ODAD3: variants seen among roughly 807,000 people sequenced by gnomAD.
The protein encoded by ODAD3 is outer dynein arm-docking complex subunit 3.
In ODAD3, 57 loss-of-function variants were observed where a neutral mutation model predicts 70.9. That is an observed-to-expected ratio of 0.80 (90% confidence interval 0.65 to 1.00). ODAD3 has a LOEUF of 1.00. Ranked by LOEUF, ODAD3 falls within the 50% of genes least tolerant of loss-of-function variation. The pLI is 0.00. For synonymous variants in ODAD3, 327 were observed against 315.9 expected (o/e 1.04, Z -0.37); for missense variants, 797 against 763.9 (o/e 1.04, Z -0.51).
At position 11,426,487 on chromosome 19, in the gene ODAD3, C is replaced by A. The variant is rs760718401; in HGVS notation, c.799G>T (p.Val267Leu). The A allele has an allele frequency of 2.5e-6, 4 of 1,614,084 alleles. No homozygotes were observed. In the South Asian group the frequency reaches 4.4e-5, roughly 18 times the overall value. ...RTKHELEALH[V>L]VNQEALNARD... ...GCATTGAGGGCCTCTTGGTTCACCA[C>A]GTGCAGTGCCTCCAGCTCATGTTTG... is the stretch of plus-strand genomic sequence containing the variant. Residue 267 changes from valine (V) to leucine (L), a missense_variant, in exon 6 of 13, where the codon GTG (valine) becomes TTG (leucine). By Grantham distance (32) the Val-to-Leu change is conservative. Transcript: ENST00000356392.
At chr19:11,432,686 C>T (rs1445011446) in intron 1 of ODAD3, among the ~76,000 whole-genome samples, 1 of 152,182 alleles carries the variant, frequency 6.6e-6, no homozygotes, top group Non-Finnish European at 1.5e-5. Flanking sequence ...CCATATATCA[C>T]GTGCCAATAG....
At position 11,420,940 on chromosome 19, in the gene ODAD3, C is replaced by T. The variant is rs989297713; in HGVS notation, c.1683G>A (p.Glu561=). The T allele has an allele frequency of 1.2e-6, 2 of 1,613,780 alleles. No homozygotes were observed. The highest frequency in any genetic ancestry group is 1.7e-6 in the Non-Finnish European group (2 of 1,179,834). The change falls in exon 13 of 13, where the codon GAG becomes GAA. Residue 561 remains glutamate, a synonymous_variant. Coordinates refer to ENST00000356392, the MANE Select transcript of ODAD3 (RefSeq NM_145045.5). ...CTACCTCGTTGTCCTCCTCCTCACT[C>T]TCTTCGTCTAAGGGGGGTGGGGGGA... ...ATSKDKFFDE[E]SEEEDNEVVT...
Position 11,422,683 on chromosome 19 carries a change from A to G in ODAD3, c.1277+18T>C, listed in dbSNP as rs776252880. The G allele has an allele frequency of 3.1e-6, 5 of 1,608,700 alleles. No homozygotes were observed. In the African/African-American group the frequency reaches 6.7e-5, roughly 22 times the overall value. The stretch of plus-strand genomic sequence containing the variant: ...CTCAGCCCGCCCCGCCGCCCTCCCC[A>G]GAGCCCCGGTGCCTCACCTCACCAG... On this transcript the variant is annotated intron_variant, in intron 9 of 12. Coordinates refer to ENST00000356392, the MANE Select transcript of ODAD3 (RefSeq NM_145045.5). The surrounding 1 kb of genome is among the most constrained non-coding windows in gnomAD (Gnocchi z 4.6).
At chr19:11,426,006 G>C (rs911303856) in intron 7 of ODAD3, 138 bp downstream of exon 7, 4 of 1,179,584 alleles carry the variant, frequency 3.4e-6, no homozygotes, top group Non-Finnish European at 4.6e-6. Flanking sequence ...CGCACCAAGT[G>C]GGGGTGGAGT....
chr19:11,427,839 G>A (rs1215968162), intron 3 of ODAD3, among the ~76,000 whole-genome samples: 7 of 149,914 alleles, frequency 4.7e-5, no homozygotes, highest in Non-Finnish European at 8.9e-5. Flanking sequence ...GGTGGCTCCC[G>A]CCTGTAATCC....
intron 7 of ODAD3, among the ~76,000 whole-genome samples, chr19:11,424,663 ATG>A (rs1384691640): frequency 1.1e-5 from 1 of 91,224 alleles, no homozygotes. Context: ...ATGTGTATAT[ATG>A]TATATATGTG....
At chr19:11,431,061 TG>T in intron 1 of ODAD3, 41 bp from the exon 2 acceptor site, 1 of 1,607,348 alleles carries the variant, frequency 6.2e-7, no homozygotes, top group Non-Finnish European at 8.5e-7. Context: ...AGTTACTGGG[TG>T]GGTGCATGGG....
chr19:11,421,806 C>T lies in ODAD3; in HGVS notation c.1461G>A (p.Glu487=). ...CATAGTTATCTGCCTGGGGATCCAG[C>T]TCCTTTCCCGCGAAGCGGCCGTCCT... ...TVEDGRFAGK[E]LDPQADNYVP... Residue 487 remains glutamate, a synonymous_variant, in exon 11 of 13, where the codon GAG becomes GAA. Transcript: ENST00000356392. 6.2e-7 allele frequency: 1 copy of T among 1,613,116 alleles called. No individual in the cohort carries two copies. The highest frequency in any genetic ancestry group is 8.5e-7 in the Non-Finnish European group (1 of 1,179,870).
intron 7 of ODAD3, 62 bp from the exon 8 acceptor site, chr19:11,424,091 G>A (rs1026820959): frequency 1.9e-6 from 3 of 1,561,592 alleles, no homozygotes; most frequent in Non-Finnish European, 2.6e-6. Context: ...GAAGGAGGCC[G>A]GGGAGGGGGA....
At chr19:11,424,585 C>T (rs1424907339) in intron 7 of ODAD3, among the ~76,000 whole-genome samples, 11 of 116,728 alleles carry the variant, frequency 9.4e-5, no homozygotes, top group African/African-American at 4.0e-4. Flanking sequence ...GTATATATAC[C>T]TATGTGTATA....
At chr19:11,421,303 G>A (rs1236228438) in intron 11 of ODAD3, 91 bp from the exon 12 acceptor site, 3 of 1,202,944 alleles carry the variant, frequency 2.5e-6, no homozygotes, top group Non-Finnish European at 2.3e-6. Context: ...CCCATTCCGA[G>A]ATATGCCCTA....
intron 3 of ODAD3, among the ~76,000 whole-genome samples, chr19:11,428,691 A>G (rs1410908964): frequency 6.6e-6 from 1 of 151,918 alleles, no homozygotes; most frequent in African/African-American, 2.4e-5. Context: ...TGGGACTACA[A>G]TCCTGTGCCA....
chr19:11,424,137 T>G lies in ODAD3; in HGVS notation c.964-108A>C, dbSNP rs1969207714. 7.3e-6 allele frequency: 10 copies of G among 1,364,536 alleles called. No homozygotes were observed. The Admixed American group carries it at 1.5e-4, about 21-fold the overall frequency. The allele number at this position is 1,364,536 out of a possible 1,614,324, so 84.5% of individuals were successfully genotyped here. On this transcript the variant is annotated intron_variant, in intron 7 of 12. Transcript: ENST00000356392. ...GGCCCGCGAGGAACAGGGCTCAAACTGGAGGGAAGGGAGAGGGCAAAAGCT... is the reference window on the plus strand; with the variant it reads ...GGCCCGCGAGGAACAGGGCTCAAACGGGAGGGAAGGGAGAGGGCAAAAGCT...
intron 3 of ODAD3, among the ~76,000 whole-genome samples, chr19:11,428,839 C>T (rs749081407): frequency 2.4e-4 from 37 of 152,066 alleles, no homozygotes; most frequent in South Asian, 1.5e-3. Flanking sequence ...CATGAGCCAC[C>T]ATGCCTAGAC....
chr19:11,426,889 T>G lies in ODAD3; in HGVS notation c.596A>C (p.His199Pro). The G allele has an allele frequency of 6.2e-7, 1 of 1,609,358 alleles. No homozygotes were observed. The highest frequency in any genetic ancestry group is 8.5e-7 in the Non-Finnish European group (1 of 1,177,248). The change falls in exon 4 of 13, where the codon CAC (histidine) becomes CCC (proline). Residue 199 changes from histidine to proline, a missense_variant. By Grantham distance (77) the His-to-Pro change is moderately conservative. Coordinates refer to ENST00000356392, the MANE Select transcript of ODAD3 (RefSeq NM_145045.5). ...CGCCCCTACCTTGGCCACCTCCGTG[T>G]GTCTGTTTTGCGCCTCCGCCATCTC... ...LLEMAEAQNRHTEVAKTMRNL... is the reference protein window; with the variant it reads ...LLEMAEAQNRPTEVAKTMRNL...
In ODAD3 at chr19:11,435,043, G is replaced by A. The variant is rs1969636073; in HGVS notation, c.-27C>T. 1.3e-6 allele frequency: 2 copies of A among 1,575,860 alleles called. No individual in the cohort carries two copies. The highest frequency in any genetic ancestry group is 2.2e-5 in the South Asian group (2 of 90,072). On this transcript the variant is annotated 5_prime_UTR_variant, in exon 1 of 13. Transcript: ENST00000356392. ...ATGGGGTTGGGGCTGAAGGCCCCTAGGGGTTAGGGGGATAACTAGGAGTCA... is the reference window on the plus strand; with the variant it reads ...ATGGGGTTGGGGCTGAAGGCCCCTAAGGGTTAGGGGGATAACTAGGAGTCA...
chr19:11,421,037 C>T (rs1198493886), intron 12 of ODAD3, 90 bp from the exon 13 acceptor site: 2 of 1,579,176 alleles, frequency 1.3e-6, no homozygotes, highest in Non-Finnish European at 1.7e-6. Context: ...CACTCCACCC[C>T]CACCTTGGCC....
intron 3 of ODAD3, among the ~76,000 whole-genome samples, chr19:11,428,161 C>G (rs982565892): frequency 2.6e-5 from 4 of 151,816 alleles, no homozygotes; most frequent in African/African-American, 9.7e-5. Context: ...GTCGCGAATT[C>G]CTGGGCCCAA....
At position 11,422,610 on chromosome 19, in the gene ODAD3, G is replaced by A; in HGVS notation, c.1295C>T (p.Ala432Val). Residue 432 changes from alanine to valine, a missense_variant, in exon 10 of 13, where the codon GCC becomes GTC. By Grantham distance (64) the Ala-to-Val change is moderately conservative. Transcript: ENST00000356392. The surrounding 1 kb of genome is among the most constrained non-coding windows in gnomAD (Gnocchi z 4.6). ...ATLVSQQKLQ[A>V]EAQERLKKEE... ...CTTCTTGAGACGCTCCTGCGCCTCG[G>A]CTTGCAGTTTCTGCTGGCTGCAGGG... 1.3e-6 allele frequency: 2 copies of A among 1,598,762 alleles called. No homozygotes were observed. Among genetic ancestry groups the A allele is most frequent in the Non-Finnish European group, 1.7e-6 (2 of 1,175,010 alleles).
Sources: allele counts gnomAD v4.1 joint callset (sites outside exome capture counted in the v4.1 genomes callset), GRCh38; gene constraint gnomAD v4.1.1; non-coding constraint Gnocchi (gnomAD v3.1); transcripts MANE v1.5; gene names NCBI Gene and HGNC (gene_info 2026-07-23, HGNC 2026-07-21).